CFAP299: variants seen among roughly 807,000 people sequenced by gnomAD.
The protein encoded by CFAP299 is cilia and flagella associated protein 299, also known as cilia- and flagella-associated protein 299.
Under a neutral mutation model 27.0 loss-of-function variants are expected in CFAP299, and 21 were observed. The ratio of observed to expected loss-of-function variants is 0.78; its 90% CI spans 0.55 to 1.12. The LOEUF is 1.12. Ranked by LOEUF, CFAP299 falls within the 50% of genes most tolerant of loss-of-function variation. CFAP299 has a pLI of 0.00. For missense variants in CFAP299, 310 were observed against 276.6 expected (o/e 1.12, Z -0.86); for synonymous variants, 104 against 98.1 (o/e 1.06, Z -0.36).
intron 3 of CFAP299, among the ~76,000 whole-genome samples, chr4:80,592,747 A>T (rs1176963425): frequency 6.6e-6 from 1 of 152,190 alleles, no homozygotes; most frequent in Non-Finnish European, 1.5e-5. Context: ...GAAAACACTG[A>T]AGTAATATGT....
chr4:80,448,315 C>A (rs1463430417), intron 2 of CFAP299, among the ~76,000 whole-genome samples: 1 of 152,130 alleles, frequency 6.6e-6, no homozygotes, highest in Non-Finnish European at 1.5e-5. Flanking sequence ...ATGCCTAGTT[C>A]CTGCTAGTAT....
intron 3 of CFAP299, among the ~76,000 whole-genome samples, chr4:80,652,750 A>T (rs1043165359): frequency 6.6e-6 from 1 of 151,924 alleles, no homozygotes; most frequent in Non-Finnish European, 1.5e-5. Flanking sequence ...GTGCTCCCTC[A>T]TTCCTCTCTG....
chr4:80,576,501 T>C (rs1291311675), intron 2 of CFAP299, among the ~76,000 whole-genome samples: 1 of 152,052 alleles, frequency 6.6e-6, no homozygotes, highest in African/African-American at 2.4e-5. Flanking sequence ...TTGCAAATAA[T>C]TTTCCATTTT....
chr4:80,351,729 C>T (rs1466830660), intron 1 of CFAP299, among the ~76,000 whole-genome samples: 1 of 150,922 alleles, frequency 6.6e-6, no homozygotes, highest in African/African-American at 2.4e-5. Context: ...AATATAAATA[C>T]AACAATTTAA....
chr4:80,756,268 C>A (rs1470254778), intron 3 of CFAP299, among the ~76,000 whole-genome samples: 1 of 152,068 alleles, frequency 6.6e-6, no homozygotes, highest in Non-Finnish European at 1.5e-5. Flanking sequence ...GTTACCTTTG[C>A]ACAGTGTCAT....
At chr4:80,924,337 G>A (rs1736193431) in intron 4 of CFAP299, among the ~76,000 whole-genome samples, 1 of 151,760 alleles carries the variant, frequency 6.6e-6, no homozygotes, top group African/African-American at 2.4e-5. Context: ...AGTATCTGCT[G>A]TTTTAAAATC....
chr4:80,323,586 C>T, the CFAP299 span, among the ~76,000 whole-genome samples: 2 of 151,822 alleles, frequency 1.3e-5, no homozygotes, highest in African/African-American at 2.4e-5. Context: ...GTACATTAGC[C>T]CTAAAAAGCT....
chr4:80,901,107 A>C (rs968974765), intron 4 of CFAP299, among the ~76,000 whole-genome samples: 1 of 152,188 alleles, frequency 6.6e-6, no homozygotes, highest in Non-Finnish European at 1.5e-5. Context: ...GAGAGCAATG[A>C]GAGCAATGTT....
At chr4:80,482,189 A>T (rs1321069833) in intron 2 of CFAP299, among the ~76,000 whole-genome samples, 3 of 151,736 alleles carry the variant, frequency 2.0e-5, no homozygotes, top group Admixed American at 6.6e-5. Context: ...TGTATACTAG[A>T]TCAATGAGAA....
At chr4:80,847,046 C>T (rs768388562) in intron 3 of CFAP299, among the ~76,000 whole-genome samples, 14 of 152,256 alleles carry the variant, frequency 9.2e-5, no homozygotes, top group Middle Eastern at 3.4e-3. Flanking sequence ...TTCTTGGAGT[C>T]TGAACTGAAA....
At chr4:80,842,438 A>G (rs1291873538) in intron 3 of CFAP299, among the ~76,000 whole-genome samples, 2 of 152,172 alleles carry the variant, frequency 1.3e-5, no homozygotes, top group Non-Finnish European at 2.9e-5. Context: ...GCTCTGTCAT[A>G]TATAACTTGA....
At chr4:80,635,610 CTG>C (rs943685287) in intron 3 of CFAP299, among the ~76,000 whole-genome samples, 1 of 152,078 alleles carries the variant, frequency 6.6e-6, no homozygotes, top group Non-Finnish European at 1.5e-5. Context: ...TCTTTATTCT[CTG>C]TGTTTTATCC....
intron 3 of CFAP299, among the ~76,000 whole-genome samples, chr4:80,798,413 G>C (rs1727995458): frequency 6.6e-6 from 1 of 152,076 alleles, no homozygotes; most frequent in Non-Finnish European, 1.5e-5. Context: ...GTTCACCAGA[G>C]TTTACAAACT....
Position 80,444,000 on chromosome 4 carries a change from C to T in CFAP299, c.242+81116C>T, listed in dbSNP as rs193250162. 3.4e-4 allele frequency among the ~76,000 whole-genome samples: 51 copies of T among 152,116 alleles called. 1 individual carries two copies. Among genetic ancestry groups the T allele is most frequent in the African/African-American group, 1.1e-3 (44 of 41,462 alleles). On this transcript the variant is annotated intron_variant, in intron 2 of 5. Coordinates refer to ENST00000358105, the MANE Select transcript of CFAP299 (RefSeq NM_152770.3). Reference sequence around the variant, plus strand: ...AAGTGAAGGACCTCTTCAAGGAGAACGACAAACCACTGCTCAAGGAAACAA... The same window carrying T: ...AAGTGAAGGACCTCTTCAAGGAGAATGACAAACCACTGCTCAAGGAAACAA...
At chr4:80,891,828 A>AG (rs1156370849) in intron 4 of CFAP299, among the ~76,000 whole-genome samples, 2 of 68,620 alleles carry the variant, frequency 2.9e-5, no homozygotes, top group Admixed American at 1.7e-4. Context: ...CCTAGATTAA[A>AG]GGAAAAAAAA....
chr4:80,846,511 T>C (rs1731191884), intron 3 of CFAP299, among the ~76,000 whole-genome samples: 1 of 152,198 alleles, frequency 6.6e-6, no homozygotes, highest in Non-Finnish European at 1.5e-5. Flanking sequence ...CAGATGGGTT[T>C]TTAAATTCAT....
intron 2 of CFAP299, among the ~76,000 whole-genome samples, chr4:80,382,706 C>T (rs1299489264): frequency 1.3e-5 from 2 of 152,096 alleles, no homozygotes; most frequent in Non-Finnish European, 2.9e-5. Context: ...GAAAAGGGAA[C>T]ACTTATACAC....
chr4:80,791,316 C>A (rs1727555367), intron 3 of CFAP299, among the ~76,000 whole-genome samples: 1 of 151,860 alleles, frequency 6.6e-6, no homozygotes, highest in Non-Finnish European at 1.5e-5. Flanking sequence ...TGTTTTATTT[C>A]TTAGCTGGGT....
At chr4:80,491,417 C>T (rs1049898985) in intron 2 of CFAP299, among the ~76,000 whole-genome samples, 3 of 151,688 alleles carry the variant, frequency 2.0e-5, no homozygotes, top group African/African-American at 7.3e-5. Flanking sequence ...GTAAGAGCAA[C>T]GTATATACAT....
Sources: allele counts gnomAD v4.1 joint callset (sites outside exome capture counted in the v4.1 genomes callset), GRCh38; gene constraint gnomAD v4.1.1; transcripts MANE v1.5; gene names NCBI Gene and HGNC (gene_info 2026-07-23, HGNC 2026-07-21).